The following SLC35F4 variants were observed in gnomAD, a reference collection of about 807,000 sequenced individuals.
SLC35F4 encodes the protein solute carrier family 35 member F4.
In SLC35F4, 24 loss-of-function variants were observed where a neutral mutation model predicts 44.2. The ratio of observed to expected loss-of-function variants is 0.54; its 90% CI spans 0.39 to 0.76. The LOEUF is 0.76. Ranked by LOEUF, SLC35F4 falls within the 30% of genes least tolerant of loss-of-function variation. SLC35F4 has a pLI of 0.00. For missense variants in SLC35F4, 562 were observed against 586.1 expected (o/e 0.96, Z 0.42); for synonymous variants, 238 against 223.6 (o/e 1.06, Z -0.57).
In SLC35F4 at chr14:57,889,804, T is replaced by G. The variant is rs548418725; in HGVS notation, n.282+92109A>C. Reference sequence around the variant, plus strand: ...CATCCTATTCTATGGCCATTACTACTATTCTTAGTCTGTTATTGCTGGGTC... The same window carrying G: ...CATCCTATTCTATGGCCATTACTACGATTCTTAGTCTGTTATTGCTGGGTC... On this transcript the variant is annotated intron_variant and non_coding_transcript_variant, in intron 1 of 1. Coordinates refer to the SLC35F4 transcript ENST00000556568. Among the ~76,000 whole-genome samples the G allele has an allele frequency of 1.1e-4, 16 of 152,358 alleles. No individual in the cohort carries two copies. In the South Asian group the frequency reaches 3.1e-3, roughly 30 times the overall value.
rs1399203417 is a variant in SLC35F4, at chr14:57,580,952, C to G, written c.807+262G>C. 13 of 302,486 alleles carry G rather than the reference C, an allele frequency of 4.3e-5. No homozygotes were observed. The East Asian group carries it at 6.5e-4, about 15-fold the overall frequency. The allele number at this position is 302,486 out of a possible 1,614,324, so 18.7% of individuals were successfully genotyped here. A position where few individuals can be genotyped will look rare whatever the true frequency, so the allele number is the denominator to read the frequency against. On this transcript the variant is annotated intron_variant, in intron 4 of 7. Transcript: ENST00000556826. Reference sequence around the variant, plus strand: ...ACACCATTAGTTCTAAAAATTAATTCTAATATAGGAACTTGTTTTCTCTGC... The same window carrying G: ...ACACCATTAGTTCTAAAAATTAATTGTAATATAGGAACTTGTTTTCTCTGC...
chr14:57,881,622 ATAT>A (rs1217983076), intron 1 of SLC35F4, among the ~76,000 whole-genome samples: 5 of 152,170 alleles, frequency 3.3e-5, no homozygotes, highest in African/African-American at 1.2e-4. Context: ...TGTTAAACAA[ATAT>A]TATTTCCCTT....
At chr14:57,694,153 C>T (rs765188312) in intron 1 of SLC35F4, among the ~76,000 whole-genome samples, 5 of 152,148 alleles carry the variant, frequency 3.3e-5, no homozygotes, top group Non-Finnish European at 7.4e-5. Flanking sequence ...GAGATGATCT[C>T]TTCATACCCT....
At chr14:57,811,825 T>C (rs757697830) in intron 1 of SLC35F4, among the ~76,000 whole-genome samples, 1 of 151,942 alleles carries the variant, frequency 6.6e-6, no homozygotes, top group Middle Eastern at 3.2e-3. Context: ...ACAAAAAAAA[T>C]TTAAAAATTA....
At chr14:57,935,399 A>G (rs934312550) in intron 1 of SLC35F4, among the ~76,000 whole-genome samples, 2 of 152,170 alleles carry the variant, frequency 1.3e-5, no homozygotes, top group Non-Finnish European at 2.9e-5. Context: ...TTGGTGCCTA[A>G]AAAGGGTAAG....
chr14:57,935,804 A>G (rs1238034838), intron 1 of SLC35F4, among the ~76,000 whole-genome samples: 1 of 152,226 alleles, frequency 6.6e-6, no homozygotes, highest in East Asian at 1.9e-4. Context: ...TTCCTATGTT[A>G]CAAATGCTTT....
At chr14:57,690,759 A>C (rs984378625) in intron 1 of SLC35F4, among the ~76,000 whole-genome samples, 1 of 151,872 alleles carries the variant, frequency 6.6e-6, no homozygotes, top group Non-Finnish European at 1.5e-5. Context: ...TCTCATAAGG[A>C]GTACACAATC....
At position 57,887,947 on chromosome 14, in the gene SLC35F4, C is replaced by T. The variant is rs141257663; in HGVS notation, n.282+93966G>A. Among the ~76,000 whole-genome samples the T allele has an allele frequency of 4.7e-3, 710 of 152,292 alleles. 2 individuals are homozygous for T. The highest frequency in any genetic ancestry group is 7.6e-3 in the Non-Finnish European group (515 of 68,024). On this transcript the variant is annotated intron_variant and non_coding_transcript_variant, in intron 1 of 1. Transcript: ENST00000556568. ...ATAATTTTTCTGCAGGAAACTACAG[C>T]AAGCATCTTCTTCATTGCCTCATGG... is the stretch of plus-strand genomic sequence containing the variant.
upstream of SLC35F4, among the ~76,000 whole-genome samples, chr14:57,982,503 T>C (rs114253856): frequency 2.4e-3 from 360 of 151,990 alleles, 3 homozygotes; most frequent in African/African-American, 8.3e-3. Context: ...TGCCTCTGAT[T>C]CAGAAAAGCC....
At chr14:57,979,461 T>A (rs1445906636) in intron 1 of SLC35F4, among the ~76,000 whole-genome samples, 1 of 152,196 alleles carries the variant, frequency 6.6e-6, no homozygotes, top group African/African-American at 2.4e-5. Context: ...CACAAGCCAC[T>A]GTCATGCAGA....
chr14:57,961,623 T>G (rs2141088269), intron 1 of SLC35F4, among the ~76,000 whole-genome samples: 1 of 152,322 alleles, frequency 6.6e-6, no homozygotes, highest in Middle Eastern at 3.4e-3. Context: ...TTAAGATGCC[T>G]ATAATTCCTG....
intron 1 of SLC35F4, among the ~76,000 whole-genome samples, chr14:57,664,980 C>G (rs1276892610): frequency 6.6e-6 from 1 of 152,086 alleles, no homozygotes; most frequent in Non-Finnish European, 1.5e-5. Flanking sequence ...TGGGCAGGAG[C>G]CATGTGCTCC....
chr14:57,587,366 A>G (rs954820557), intron 3 of SLC35F4, among the ~76,000 whole-genome samples: 2 of 152,246 alleles, frequency 1.3e-5, no homozygotes, highest in African/African-American at 4.8e-5. Flanking sequence ...AAGACTTGGA[A>G]CGAACCCAAA....
intron 1 of SLC35F4, among the ~76,000 whole-genome samples, chr14:57,599,200 T>C (rs1263891849): frequency 6.6e-6 from 1 of 152,196 alleles, no homozygotes; most frequent in African/African-American, 2.4e-5. Flanking sequence ...TAGCCACTTA[T>C]ATGGATAGGG....
intron 1 of SLC35F4, among the ~76,000 whole-genome samples, chr14:57,772,898 T>G (rs2077402268): frequency 6.6e-6 from 1 of 152,202 alleles, no homozygotes; most frequent in Admixed American, 6.5e-5. Flanking sequence ...GATCAAATGG[T>G]AGTTCTATTT....
chr14:57,927,048 T>C (rs1889588135), intron 1 of SLC35F4, among the ~76,000 whole-genome samples: 1 of 152,184 alleles, frequency 6.6e-6, no homozygotes, highest in Non-Finnish European at 1.5e-5. Flanking sequence ...TGTTCCAACC[T>C]TACTTAAAGG....
chr14:57,881,099 A>C (rs1888525722), intron 1 of SLC35F4, among the ~76,000 whole-genome samples: 1 of 152,194 alleles, frequency 6.6e-6, no homozygotes, highest in African/African-American at 2.4e-5. Context: ...CTCTACTCTG[A>C]TCTGTGTAGA....
intron 1 of SLC35F4, among the ~76,000 whole-genome samples, chr14:57,628,144 C>A (rs1288113838): frequency 4.0e-5 from 6 of 151,768 alleles, no homozygotes. Flanking sequence ...CCCAGATGTC[C>A]CTGGACCCCA....
chr14:57,810,157 G>A (rs567245371), intron 1 of SLC35F4, among the ~76,000 whole-genome samples: 1 of 152,220 alleles, frequency 6.6e-6, no homozygotes, highest in East Asian at 1.9e-4. Context: ...CCTCCATCCT[G>A]AGCCAGCAGC....
Sources: gnomAD v4.1 joint callset for allele counts (sites outside exome capture counted in the v4.1 genomes callset) on GRCh38, gnomAD v4.1.1 for gene constraint, MANE v1.5 for transcripts, NCBI Gene and HGNC (gene_info 2026-07-23, HGNC 2026-07-21) for gene names.